The following BLOC1S5 variants were observed in gnomAD, a reference collection of about 807,000 sequenced individuals.
BLOC1S5 encodes the protein biogenesis of lysosomal organelles complex 1 subunit 5.
A neutral mutation model predicts 24.3 loss-of-function variants in BLOC1S5; 27 were observed. That is an observed-to-expected ratio of 1.11 (90% CI 0.82 to 1.53). The LOEUF is 1.53. Among genes scored for constraint, BLOC1S5 ranks in the 40% most tolerant of loss-of-function variants. The pLI is 0.00. For missense variants in BLOC1S5, 239 were observed against 229.4 expected (o/e 1.04, Z -0.27); for synonymous variants, 84 against 74.5 (o/e 1.13, Z -0.66).
At chr6:8,030,063 C>G (rs1339787443) in intron 3 of BLOC1S5, among the ~76,000 whole-genome samples, 1 of 152,180 alleles carries the variant, frequency 6.6e-6, no homozygotes, top group Non-Finnish European at 1.5e-5. Context: ...AATATATGAA[C>G]TCTCTGACCA....
intron 4 of BLOC1S5, among the ~76,000 whole-genome samples, chr6:8,019,470 C>T (rs1762849801): frequency 6.6e-6 from 1 of 152,100 alleles, no homozygotes; most frequent in Admixed American, 6.5e-5. Context: ...GGTTTCACCA[C>T]ACTGGCCAGG....
intron 3 of BLOC1S5, among the ~76,000 whole-genome samples, chr6:8,037,905 G>A (rs893350621): frequency 2.0e-5 from 3 of 152,078 alleles, no homozygotes; most frequent in Non-Finnish European, 2.9e-5. Flanking sequence ...AACCAGTGCT[G>A]GGAAAACTGG....
intron 2 of BLOC1S5, among the ~76,000 whole-genome samples, chr6:8,044,670 T>C (rs1444486735): frequency 2.0e-5 from 3 of 152,174 alleles, no homozygotes; most frequent in Non-Finnish European, 4.4e-5. Flanking sequence ...CAGATGGACA[T>C]GAGGAACTTG....
chr6:8,034,024 G>A (rs1334574528), intron 3 of BLOC1S5, among the ~76,000 whole-genome samples: 1 of 152,242 alleles, frequency 6.6e-6, no homozygotes, highest in East Asian at 1.9e-4. Context: ...CTTTTACACT[G>A]TTCGTGGGAG....
chr6:8,018,142 C>T (rs920749583), intron 4 of BLOC1S5: 2 of 152,336 alleles, frequency 1.3e-5, no homozygotes, highest in African/African-American at 4.8e-5. Flanking sequence ...GGAGTTTACT[C>T]ATCCAATAAA....
chr6:8,021,973 C>T (rs115866748), intron 4 of BLOC1S5, among the ~76,000 whole-genome samples: 2,105 of 151,914 alleles, frequency 0.014, 35 homozygotes, highest in African/African-American at 0.036. Flanking sequence ...AATAATAAAC[C>T]GGCACGCATG....
chr6:8,014,070 CA>C lies in BLOC1S5; in HGVS notation c.*1578del, dbSNP rs1326773772. 2 of 152,134 alleles carry C rather than the reference CA, an allele frequency of 1.3e-5. No individual in the cohort carries two copies. The highest frequency in any genetic ancestry group is 2.9e-5 in the Non-Finnish European group (2 of 68,022). The allele number at this position is 152,134 out of a possible 1,614,324, so 9.4% of individuals were successfully genotyped here. On this transcript the variant is annotated 3_prime_UTR_variant, in exon 5 of 5. Transcript: ENST00000397457. ...TAAGCCATACATTTACACAGGCAGG[CA>C]TTGTCAATTTTCTGCAGTCGCCACA...
At chr6:8,033,489 A>C (rs1763374464) in intron 3 of BLOC1S5, among the ~76,000 whole-genome samples, 1 of 152,232 alleles carries the variant, frequency 6.6e-6, no homozygotes, top group South Asian at 2.1e-4. Flanking sequence ...AAGATGGATT[A>C]AAGACTTAAA....
Position 8,048,805 on chromosome 6 carries a change from G to T in BLOC1S5, c.196-7537C>A, listed in dbSNP as rs545750469. ...AGGTGGGCGGATCACCTGAGGTCAG[G>T]AGTTCAAGACCAACCTGGCCAACAT... On this transcript the variant is annotated intron_variant, in intron 2 of 4. Transcript: ENST00000397457. Among the ~76,000 whole-genome samples, 62 of 152,020 alleles carry T rather than the reference G, an allele frequency of 4.1e-4. 1 individual carries two copies. Among genetic ancestry groups the T allele is most frequent in the Admixed American group, 1.2e-3 (18 of 15,278 alleles).
chr6:8,050,248 C>T (rs909494307), intron 2 of BLOC1S5, among the ~76,000 whole-genome samples: 1 of 152,114 alleles, frequency 6.6e-6, no homozygotes, highest in East Asian at 1.9e-4. Context: ...GATCAGTGAT[C>T]TTTGATGTTA....
chr6:8,032,412 G>A (rs530635665), intron 3 of BLOC1S5, among the ~76,000 whole-genome samples: 1 of 151,974 alleles, frequency 6.6e-6, no homozygotes, highest in Admixed American at 6.6e-5. Flanking sequence ...AATTCGATAA[G>A]ACCTTACTCC....
intron 3 of BLOC1S5, among the ~76,000 whole-genome samples, chr6:8,030,643 G>A (rs1218628030): frequency 1.3e-5 from 2 of 150,970 alleles, no homozygotes; most frequent in Admixed American, 6.6e-5. Flanking sequence ...ATGCCAAGGC[G>A]GGTGGATCAC....
chr6:8,061,317 G>A (rs1764507721), intron 2 of BLOC1S5, among the ~76,000 whole-genome samples: 1 of 152,066 alleles, frequency 6.6e-6, no homozygotes, highest in South Asian at 2.1e-4. Flanking sequence ...TGATGACGAT[G>A]TGGTATAATC....
At chr6:8,029,118 C>T (rs1373877272) in intron 3 of BLOC1S5, among the ~76,000 whole-genome samples, 1 of 151,566 alleles carries the variant, frequency 6.6e-6, no homozygotes, top group African/African-American at 2.4e-5. Flanking sequence ...TATAAGTAAA[C>T]CTCAAATACA....
At position 8,064,272 on chromosome 6, in the gene BLOC1S5, A is replaced by G. The variant is rs750216049; in HGVS notation, c.105T>C (p.Ile35=). Residue 35 remains isoleucine (I), a synonymous_variant, in exon 1 of 5, where the codon ATT becomes ATC. Coordinates refer to ENST00000397457, the MANE Select transcript of BLOC1S5 (RefSeq NM_201280.3). ...SLGTAGSAHL[I]IKDLGEIHSR... is the part of the protein sequence containing the mutation. ...AGCCCTGACACTCCGTACCCTTGAT[A>G]ATGAGGTGCGCTGAGCCCGCAGTCC... 1.2e-6 allele frequency: 2 copies of G among 1,613,150 alleles called. No individual in the cohort carries two copies. Among genetic ancestry groups the G allele is most frequent in the East Asian group, 4.5e-5 (2 of 44,822 alleles).
At chr6:8,028,293 C>T (rs1169733319) in intron 3 of BLOC1S5, among the ~76,000 whole-genome samples, 1 of 151,280 alleles carries the variant, frequency 6.6e-6, no homozygotes, top group Non-Finnish European at 1.5e-5. Flanking sequence ...TTAATTTTAG[C>T]TATATCAAAG....
Position 8,014,940 on chromosome 6 carries a change from T to C in BLOC1S5, c.*709A>G, listed in dbSNP as rs1174170844. 1.3e-5 allele frequency: 2 copies of C among 152,686 alleles called. No individual in the cohort carries two copies. Among genetic ancestry groups the C allele is most frequent in the Non-Finnish European group, 2.9e-5 (2 of 68,044 alleles). 9.5% of individuals were successfully genotyped at this position (152,686 alleles called of 1,614,324 possible). A position where few individuals can be genotyped will look rare whatever the true frequency, so the allele number is the denominator to read the frequency against. ...ATGTCAAAATATATTTTTGGTAAGC[T>C]TTTCCTTCTAAGCATGCTTTAAAAA... On this transcript the variant is annotated 3_prime_UTR_variant, in exon 5 of 5. Coordinates refer to ENST00000397457, the MANE Select transcript of BLOC1S5 (RefSeq NM_201280.3).
At chr6:8,026,275 A>G in intron 4 of BLOC1S5, 92 bp downstream of exon 4, 1 of 1,033,098 alleles carries the variant, frequency 9.7e-7, no homozygotes, top group Non-Finnish European at 1.5e-6. Flanking sequence ...AACTCACTGC[A>G]TTCAGAGAAT....
At chr6:8,033,201 G>A (rs1361987476) in intron 3 of BLOC1S5, among the ~76,000 whole-genome samples, 2 of 152,148 alleles carry the variant, frequency 1.3e-5, no homozygotes, top group Non-Finnish European at 2.9e-5. Context: ...CAAAGCTGGA[G>A]CTATCAAGCT....
Sources: allele counts gnomAD v4.1 joint callset (sites outside exome capture counted in the v4.1 genomes callset), GRCh38; gene constraint gnomAD v4.1.1; transcripts MANE v1.5; gene names NCBI Gene and HGNC (gene_info 2026-07-23, HGNC 2026-07-21).